The following ADGRL4 variants were observed in gnomAD, a reference collection of about 807,000 sequenced individuals.
ADGRL4 encodes the protein EGF, latrophilin and seven transmembrane domain containing 1.
ADGRL4 carries 90 observed loss-of-function variants against 74.8 expected under a neutral mutation model. The ratio of observed to expected loss-of-function variants is 1.20; its 90% CI spans 1.02 to 1.43. The LOEUF is 1.43. Ranked by LOEUF, ADGRL4 falls within the 40% of genes most tolerant of loss-of-function variation. The pLI is 0.00. For missense variants in ADGRL4, 881 were observed against 814.3 expected, an observed-to-expected ratio of 1.08 and a Z score of -1.00; for synonymous variants, 311 against 279.2, an observed-to-expected ratio of 1.11 and a Z score of -1.14.
rs998992673 is a variant in ADGRL4, at chr1:78,987,895, A to G, written c.172+17175T>C. On this transcript the variant is annotated intron_variant, in intron 2 of 14. Coordinates refer to ENST00000370742, the MANE Select transcript of ADGRL4 (RefSeq NM_022159.4). The stretch of plus-strand genomic sequence containing the variant: ...AAGGAACATTCAATCTTATTGCTCT[A>G]TTGTCTTTTTTTAATACATACTAAT... Among the ~76,000 whole-genome samples the G allele has an allele frequency of 3.3e-5, 5 of 151,664 alleles. No homozygotes were observed. The East Asian group carries it at 7.7e-4, about 23-fold the overall frequency.
intron 7 of ADGRL4, among the ~76,000 whole-genome samples, chr1:78,933,445 T>C (rs1358973914): frequency 6.6e-6 from 1 of 151,448 alleles, no homozygotes; most frequent in East Asian, 1.9e-4. Context: ...TCATAAGAGC[T>C]ATTTATGACA....
intron 2 of ADGRL4, among the ~76,000 whole-genome samples, chr1:78,964,835 T>C (rs909222941): frequency 2.0e-5 from 3 of 152,194 alleles, no homozygotes; most frequent in African/African-American, 7.2e-5. Flanking sequence ...GTATCAAAGT[T>C]GTTTCTTTCA....
In ADGRL4 at chr1:78,890,528, C is replaced by T. The variant is rs1307613553; in HGVS notation, c.*626G>A. ...TTTTTTAGAATATTAGAAAAAGAAA[C>T]AGATTTAGCAAACAGAAGTCTAAGT... On this transcript the variant is annotated 3_prime_UTR_variant, in exon 15 of 15. Coordinates refer to ENST00000370742, the MANE Select transcript of ADGRL4 (RefSeq NM_022159.4). The T allele has an allele frequency of 7.8e-6, 1 of 128,816 alleles. No individual in the cohort carries two copies. Among genetic ancestry groups the T allele is most frequent in the African/African-American group, 2.9e-5 (1 of 34,010 alleles). The allele number at this position is 128,816 out of a possible 1,614,324, so 8.0% of individuals were successfully genotyped here. A position where few individuals can be genotyped will look rare whatever the true frequency, so the allele number is the denominator to read the frequency against.
intron 12 of ADGRL4, among the ~76,000 whole-genome samples, chr1:78,904,184 T>C (rs954870002): frequency 5.3e-5 from 8 of 151,816 alleles, no homozygotes; most frequent in Admixed American, 3.9e-4. Flanking sequence ...TTGCTGAAGA[T>C]TTGAAGAAAT....
intron 9 of ADGRL4, among the ~76,000 whole-genome samples, chr1:78,921,351 T>TA (rs749685781): frequency 6.7e-6 from 1 of 150,340 alleles, no homozygotes; most frequent in East Asian, 2.0e-4. Context: ...CATTACAAGC[T>TA]AATTTAATAT....
chr1:79,001,136 G>T (rs539164287), intron 2 of ADGRL4, among the ~76,000 whole-genome samples: 18 of 139,166 alleles, frequency 1.3e-4, no homozygotes, highest in Non-Finnish European at 2.6e-4. Context: ...AGCAAGGAAG[G>T]GAAGGAGGAA....
chr1:78,982,263 G>A (rs907352610), intron 2 of ADGRL4, among the ~76,000 whole-genome samples: 1 of 151,778 alleles, frequency 6.6e-6, no homozygotes, highest in African/African-American at 2.4e-5. Context: ...TCCTATGAAA[G>A]GTGGGACAAC....
chr1:78,950,491 T>C (rs1649701331), intron 2 of ADGRL4, among the ~76,000 whole-genome samples: 3 of 152,000 alleles, frequency 2.0e-5, no homozygotes, highest in Admixed American at 2.0e-4. Flanking sequence ...TCAAAACATG[T>C]TTTCAAGGAT....
intron 3 of ADGRL4, among the ~76,000 whole-genome samples, chr1:78,942,817 C>A (rs913551228): frequency 6.6e-6 from 1 of 151,982 alleles, no homozygotes; most frequent in Non-Finnish European, 1.5e-5. Flanking sequence ...GTAGTCCCAG[C>A]TATTTGGGAA....
chr1:79,005,867 A>G lies in ADGRL4; in HGVS notation c.23-648T>C, dbSNP rs537094038. Among the ~76,000 whole-genome samples the G allele has an allele frequency of 9.2e-5, 14 of 152,362 alleles. 2 individuals carry two copies. The highest frequency in any genetic ancestry group is 3.1e-4 in the African/African-American group (13 of 41,590). On this transcript the variant is annotated intron_variant, in intron 1 of 14. Transcript: ENST00000370742. ...TTAAAAACAAAACAAAAACAAAAAA[A>G]GAAACTCAAGATTATAGTCAAAGAT...
intron 8 of ADGRL4, among the ~76,000 whole-genome samples, chr1:78,923,059 GA>G (rs1275420170): frequency 2.6e-5 from 4 of 151,930 alleles, no homozygotes; most frequent in Non-Finnish European, 5.9e-5. Context: ...AAAGATAATT[GA>G]GTTAAAATTG....
At chr1:79,004,650 G>A (rs959093285) in intron 2 of ADGRL4, among the ~76,000 whole-genome samples, 3 of 151,940 alleles carry the variant, frequency 2.0e-5, no homozygotes, top group African/African-American at 7.3e-5. Flanking sequence ...AAATATAGGC[G>A]GTCAAGTACC....
At chr1:78,994,214 C>G (rs1216921623) in intron 2 of ADGRL4, among the ~76,000 whole-genome samples, 3 of 152,128 alleles carry the variant, frequency 2.0e-5, no homozygotes, top group Non-Finnish European at 2.9e-5. Context: ...TGAGTTTAAT[C>G]ATTTATGCAA....
intron 3 of ADGRL4, among the ~76,000 whole-genome samples, chr1:78,940,997 T>C (rs764849999): frequency 7.9e-5 from 12 of 152,202 alleles, no homozygotes; most frequent in Non-Finnish European, 1.5e-4. Flanking sequence ...AGAACAGTTC[T>C]TGTTCTTCTG....
chr1:78,932,882 C>T (rs1277717072), intron 7 of ADGRL4, among the ~76,000 whole-genome samples: 9 of 151,240 alleles, frequency 6.0e-5, no homozygotes, highest in East Asian at 3.9e-4. Flanking sequence ...AAGAAAAAGT[C>T]GAATCCCTGA....
chr1:78,908,117 T>A lies in ADGRL4; in HGVS notation c.1749+9517A>T, dbSNP rs905079223. Among the ~76,000 whole-genome samples the A allele has an allele frequency of 2.0e-5, 3 of 152,054 alleles. No individual in the cohort carries two copies. In the South Asian group the frequency reaches 6.2e-4, roughly 32 times the overall value. On this transcript the variant is annotated intron_variant, in intron 12 of 14. Transcript: ENST00000370742. ...GACAGAGGGATATGACAAACACTTA[T>A]AGAGAAGTTTAAATATCTTCAGTTG... is the stretch of plus-strand genomic sequence containing the variant.
chr1:78,934,669 A>G (rs1649316246), intron 7 of ADGRL4, among the ~76,000 whole-genome samples: 1 of 152,188 alleles, frequency 6.6e-6, no homozygotes, highest in South Asian at 2.1e-4. Flanking sequence ...CAAAGGTCTA[A>G]TACCCAGCAT....
chr1:78,981,264 T>C (rs1206807090), intron 2 of ADGRL4, among the ~76,000 whole-genome samples: 1 of 151,866 alleles, frequency 6.6e-6, no homozygotes, highest in Non-Finnish European at 1.5e-5. Flanking sequence ...TGATAAAAAA[T>C]TTAATATTTT....
intron 2 of ADGRL4, among the ~76,000 whole-genome samples, chr1:78,958,640 GT>G (rs1424949149): frequency 3.3e-5 from 5 of 152,112 alleles, no homozygotes; most frequent in Non-Finnish European, 5.9e-5. Context: ...AGCAAAGAAA[GT>G]TTTTTTCCTG....
Sources: allele counts gnomAD v4.1 joint callset (sites outside exome capture counted in the v4.1 genomes callset), GRCh38; gene constraint gnomAD v4.1.1; transcripts MANE v1.5; gene names NCBI Gene and HGNC (gene_info 2026-07-23, HGNC 2026-07-21).